The following KCNMB2 variants were observed in gnomAD, a reference collection of about 807,000 sequenced individuals.
KCNMB2 encodes potassium calcium-activated channel subfamily M regulatory beta subunit 2, also known as calcium-activated potassium channel subunit beta-2.
In KCNMB2, 9 loss-of-function variants were observed where a neutral mutation model predicts 24.5. The observed-to-expected ratio is 0.37, with a 90% CI of 0.22 to 0.64. The LOEUF is 0.64. Ranked by LOEUF, KCNMB2 falls within the 30% of genes least tolerant of loss-of-function variation. The pLI, the probability that KCNMB2 is intolerant of heterozygous loss-of-function variation, is 0.63. For missense variants in KCNMB2, 226 were observed against 284.3 expected (o/e 0.79, Z 1.47); for synonymous variants, 109 against 104.4 (o/e 1.04, Z -0.27).
chr3:178,578,953 T>C (rs533584406), intron 1 of KCNMB2, among the ~76,000 whole-genome samples: 1 of 152,230 alleles, frequency 6.6e-6, no homozygotes, highest in South Asian at 2.1e-4. Context: ...CCGTCAATAT[T>C]AGACAGATCA....
At chr3:178,834,091 G>A (rs1157487374) in intron 4 of KCNMB2, among the ~76,000 whole-genome samples, 1 of 152,130 alleles carries the variant, frequency 6.6e-6, no homozygotes, top group Non-Finnish European at 1.5e-5. Flanking sequence ...GATTAAAAAT[G>A]TAGTTTGGTG....
At chr3:178,813,192 A>C (rs1210024813) in intron 2 of KCNMB2, among the ~76,000 whole-genome samples, 1 of 152,124 alleles carries the variant, frequency 6.6e-6, no homozygotes, top group East Asian at 1.9e-4. Context: ...ATTTATTCCT[A>C]AGTACTACCT....
chr3:178,667,433 T>C (rs770339212), intron 1 of KCNMB2, among the ~76,000 whole-genome samples: 41 of 152,270 alleles, frequency 2.7e-4, no homozygotes, highest in Non-Finnish European at 4.4e-4. Context: ...CCCTTCTACC[T>C]TCCACCTTGT....
Position 178,684,182 on chromosome 3 carries a change from T to C in KCNMB2, c.-67-123161T>C, listed in dbSNP as rs73044298. Among the ~76,000 whole-genome samples, 252 of 152,128 alleles carry C rather than the reference T, an allele frequency of 1.7e-3. 1 individual carries two copies. Among genetic ancestry groups the C allele is most frequent in the African/African-American group, 5.8e-3 (241 of 41,516 alleles). ...ACTTATTTATTCCTAAAAAATGAGATATTGCCATTTGCCACCACATGGATA... is the reference window on the plus strand; with the variant it reads ...ACTTATTTATTCCTAAAAAATGAGACATTGCCATTTGCCACCACATGGATA... On this transcript the variant is annotated intron_variant, in intron 1 of 4. Coordinates refer to ENST00000452583, the MANE Select transcript of KCNMB2 (RefSeq NM_181361.3).
At chr3:178,796,820 C>G (rs548305565) in intron 1 of KCNMB2, among the ~76,000 whole-genome samples, 1 of 151,874 alleles carries the variant, frequency 6.6e-6, no homozygotes, top group Non-Finnish European at 1.5e-5. Flanking sequence ...AATAAACAAC[C>G]TAATGATGCA....
At chr3:178,658,622 T>C (rs1240619564) in intron 1 of KCNMB2, among the ~76,000 whole-genome samples, 1 of 152,172 alleles carries the variant, frequency 6.6e-6, no homozygotes, top group Non-Finnish European at 1.5e-5. Context: ...TTTTTTCTGA[T>C]TAATTAATGT....
At chr3:178,764,973 T>G (rs1712055235) in intron 1 of KCNMB2, among the ~76,000 whole-genome samples, 1 of 152,212 alleles carries the variant, frequency 6.6e-6, no homozygotes, top group Non-Finnish European at 1.5e-5. Flanking sequence ...TCAATGAGAA[T>G]AATAAACTAC....
At chr3:178,759,659 GAGGGAT>G in intron 1 of KCNMB2, among the ~76,000 whole-genome samples, 1 of 89,602 alleles carries the variant, frequency 1.1e-5, no homozygotes, top group South Asian at 3.8e-4. Context: ...ATATCTCCAA[GAGGGAT>G]ATATATATAT....
chr3:178,677,601 C>T (rs1271813224), intron 1 of KCNMB2, among the ~76,000 whole-genome samples: 1 of 152,186 alleles, frequency 6.6e-6, no homozygotes, highest in African/African-American at 2.4e-5. Context: ...CTCCTAAAAC[C>T]CCTGGCCTGT....
intron 1 of KCNMB2, among the ~76,000 whole-genome samples, chr3:178,590,723 A>T (rs1490514617): frequency 6.6e-6 from 1 of 152,188 alleles, no homozygotes; most frequent in Admixed American, 6.5e-5. Flanking sequence ...TACAGCTTGT[A>T]GTTGGAGAAA....
At chr3:178,607,954 T>G (rs938294992) in intron 1 of KCNMB2, among the ~76,000 whole-genome samples, 1 of 152,146 alleles carries the variant, frequency 6.6e-6, no homozygotes, top group Admixed American at 6.6e-5. Context: ...TAAGTAAAAT[T>G]TTAATGTTTA....
intron 1 of KCNMB2, among the ~76,000 whole-genome samples, chr3:178,623,897 A>G (rs1719008842): frequency 6.6e-6 from 1 of 152,186 alleles, no homozygotes; most frequent in African/African-American, 2.4e-5. Flanking sequence ...CCTCAGGTAT[A>G]ATCTCATTGG....
rs1724234538 is a variant in KCNMB2, at chr3:178,758,049, T to C, written c.-67-49294T>C. ...GAGGATATATATATATATCTAGATA[T>C]ATATATATATCTCCAAGAGGATATA... On this transcript the variant is annotated intron_variant, in intron 1 of 4. Coordinates refer to ENST00000452583, the MANE Select transcript of KCNMB2 (RefSeq NM_181361.3). Among the ~76,000 whole-genome samples the C allele has an allele frequency of 7.4e-5, 2 of 26,918 alleles. 1 individual carries two copies. Among genetic ancestry groups the C allele is most frequent in the Non-Finnish European group, 1.3e-4 (2 of 15,472 alleles). 17.7% of individuals were successfully genotyped at this position (26,918 alleles called of 152,430 possible). A position where few individuals can be genotyped will look rare whatever the true frequency, so the allele number is the denominator to read the frequency against.
At chr3:178,538,471 A>G (rs535925519) in intron 1 of KCNMB2, among the ~76,000 whole-genome samples, 1 of 152,288 alleles carries the variant, frequency 6.6e-6, no homozygotes, top group East Asian at 1.9e-4. Flanking sequence ...TTACAAATCG[A>G]TATTATTTCT....
intron 1 of KCNMB2, among the ~76,000 whole-genome samples, chr3:178,653,639 T>C (rs1367510101): frequency 6.6e-6 from 1 of 152,134 alleles, no homozygotes; most frequent in Non-Finnish European, 1.5e-5. Flanking sequence ...TTGATATTCT[T>C]TAACTAAAGT....
At chr3:178,539,022 G>A (rs1264001546) in intron 1 of KCNMB2, among the ~76,000 whole-genome samples, 1 of 152,076 alleles carries the variant, frequency 6.6e-6, no homozygotes, top group Non-Finnish European at 1.5e-5. Flanking sequence ...GCTTTAGTCA[G>A]TCTTGTTTCC....
intron 1 of KCNMB2, among the ~76,000 whole-genome samples, chr3:178,560,492 C>T (rs1716277545): frequency 6.6e-6 from 1 of 152,194 alleles, no homozygotes; most frequent in South Asian, 2.1e-4. Flanking sequence ...AATTCTTTTT[C>T]CAAGCTTGAG....
chr3:178,552,205 G>C (rs897015602), intron 1 of KCNMB2, among the ~76,000 whole-genome samples: 1 of 152,080 alleles, frequency 6.6e-6, no homozygotes, highest in African/African-American at 2.4e-5. Flanking sequence ...TCTAAATGTC[G>C]ACTGTGGAAG....
At chr3:178,571,446 GGATATATATATATATA>G (rs1560113566) in intron 1 of KCNMB2, among the ~76,000 whole-genome samples, 1 of 34,484 alleles carries the variant, frequency 2.9e-5, no homozygotes, top group African/African-American at 8.4e-5. Context: ...TTTTCCTTAT[GGATATATATATATATA>G]TATATATATA....
Sources: gnomAD v4.1 joint callset for allele counts (sites outside exome capture counted in the v4.1 genomes callset) on GRCh38, gnomAD v4.1.1 for gene constraint, MANE v1.5 for transcripts, NCBI Gene and HGNC (gene_info 2026-07-23, HGNC 2026-07-21) for gene names.